Variants in SULF2 observed in about 807,000 individuals in gnomAD.
The protein encoded by SULF2 is extracellular sulfatase Sulf-2.
SULF2 carries 52 observed loss-of-function variants against 107.7 expected under a neutral mutation model. The ratio of observed to expected loss-of-function variants is 0.48; its 90% confidence interval spans 0.39 to 0.61. The LOEUF (loss-of-function observed/expected upper bound fraction) is 0.61. SULF2 is among the 20% of genes least tolerant of loss of function. The probability of loss-of-function intolerance (pLI) is 0.00; values close to 1 mark genes in which losing one functional copy is unlikely to be tolerated. For synonymous variants in SULF2, 460 were observed against 464.3 expected (o/e 0.99, Z 0.12); for missense variants, 993 against 1,177.3 (o/e 0.84, Z 2.29).
At chr20:47,730,519 C>T (rs529271124) in intron 3 of SULF2, among the ~76,000 whole-genome samples, 60 of 152,242 alleles carry the variant, frequency 3.9e-4, no homozygotes, top group Admixed American at 7.2e-4. Context: ...GGTGCAATCT[C>T]GGCTCACTGC....
intron 1 of SULF2, among the ~76,000 whole-genome samples, chr20:47,758,183 T>TTC (rs1555858500): frequency 6.0e-4 from 87 of 144,100 alleles, no homozygotes; most frequent in Admixed American, 1.6e-3. Flanking sequence ...TTTTTTTTTT[T>TTC]CCCAGACAGA....
rs1034073448 is a variant in SULF2, at chr20:47,678,313, CTG to C, written c.1193+361_1193+362del. The C allele has an allele frequency of 1.1e-5, 2 of 175,848 alleles. No homozygotes were observed. Among genetic ancestry groups the C allele is most frequent in the Admixed American group, 1.2e-4 (2 of 16,472 alleles). The allele number at this position is 175,848 out of a possible 1,614,324, so 10.9% of individuals were successfully genotyped here. ...TGATAATGTCCACCTCGCTGGGTTA[CTG>C]TGAGGATCAAATTCCTAGATTTCCC... On this transcript the variant is annotated intron_variant, in intron 8 of 20. Coordinates refer to ENST00000688720, the MANE Select transcript of SULF2 (RefSeq NM_001387048.1). The surrounding 1 kb of genome is among the most constrained non-coding windows in gnomAD (Gnocchi z 4.5).
chr20:47,723,046 G>A (rs185974789), intron 3 of SULF2, among the ~76,000 whole-genome samples: 90 of 151,972 alleles, frequency 5.9e-4, no homozygotes, highest in African/African-American at 2.0e-3. Context: ...CAGGCTGGGC[G>A]ACAGAGCAAG....
intron 11 of SULF2, among the ~76,000 whole-genome samples, chr20:47,670,378 A>T (rs2087422923): frequency 6.6e-6 from 1 of 151,514 alleles, no homozygotes; most frequent in African/African-American, 2.4e-5. Context: ...TTTTTAGTAG[A>T]CACGGGTTTC....
intron 2 of SULF2, among the ~76,000 whole-genome samples, chr20:47,745,400 AAAAAAAAAAAATATATATAT>A (rs1467973700): frequency 1.3e-4 from 4 of 30,544 alleles, no homozygotes; most frequent in African/African-American, 4.4e-4. Context: ...AAAAAAAAAA[AAAAAAAAAAAATATATATAT>A]ATATATATAT....
intron 11 of SULF2, among the ~76,000 whole-genome samples, chr20:47,670,364 TG>T (rs2087422166): frequency 6.6e-6 from 1 of 151,740 alleles, no homozygotes; most frequent in African/African-American, 2.4e-5. Context: ...GGCTAATTTT[TG>T]TATTTTTAGT....
chr20:47,766,979 C>T (rs1263944732), intron 1 of SULF2, among the ~76,000 whole-genome samples: 2 of 151,946 alleles, frequency 1.3e-5, no homozygotes, highest in East Asian at 1.9e-4. Flanking sequence ...ACAAAACTCT[C>T]GATTCTCAGA....
chr20:47,684,371 C>G, intron 6 of SULF2, 60 bp downstream of exon 6: 1 of 1,525,766 alleles, frequency 6.6e-7, no homozygotes, highest in Non-Finnish European at 8.8e-7. Context: ...GAGGTCTCGG[C>G]CCTGGCCTGG....
At chr20:47,760,818 G>C (rs539718904) in intron 1 of SULF2, among the ~76,000 whole-genome samples, 20 of 152,264 alleles carry the variant, frequency 1.3e-4, no homozygotes, top group African/African-American at 4.8e-4. Flanking sequence ...GGGACCAGAG[G>C]GTGAACAACA....
intron 14 of SULF2, 22 bp downstream of exon 14, chr20:47,665,177 G>A: frequency 6.5e-7 from 1 of 1,535,478 alleles, no homozygotes; most frequent in Non-Finnish European, 9.0e-7. Flanking sequence ...GTCTTAGGGA[G>A]GTCCCTTTGC....
At chr20:47,755,914 C>CT (rs60027908) in intron 2 of SULF2, among the ~76,000 whole-genome samples, 3,029 of 147,334 alleles carry the variant, frequency 0.021, 104 homozygotes, top group African/African-American at 0.071. Context: ...CTCCCTGGCA[C>CT]TTTTTTTTTT....
chr20:47,739,311 C>T (rs1206504497), intron 2 of SULF2, among the ~76,000 whole-genome samples: 1 of 152,192 alleles, frequency 6.6e-6, no homozygotes, highest in East Asian at 1.9e-4. Context: ...ATCAGACCCA[C>T]TGCAGCCTCC....
intron 1 of SULF2, among the ~76,000 whole-genome samples, chr20:47,766,258 C>T (rs1600678723): frequency 6.6e-6 from 1 of 152,178 alleles, no homozygotes; most frequent in African/African-American, 2.4e-5. Flanking sequence ...TCTTTGGGGC[C>T]GTCAAAGAAA....
At chr20:47,715,631 G>C (rs983019248) in intron 3 of SULF2, among the ~76,000 whole-genome samples, 1 of 151,942 alleles carries the variant, frequency 6.6e-6, no homozygotes, top group Non-Finnish European at 1.5e-5. Flanking sequence ...ACCCAGGCTG[G>C]GGCGCAATGG....
In SULF2 at chr20:47,667,031, G is replaced by A. The variant is rs570803862; in HGVS notation, c.1577-543C>T. Among the ~76,000 whole-genome samples, 20 of 152,310 alleles carry A rather than the reference G, an allele frequency of 1.3e-4. No individual in the cohort carries two copies. In the South Asian group the frequency reaches 3.7e-3, roughly 28 times the overall value. On this transcript the variant is annotated intron_variant, in intron 11 of 20. Coordinates refer to ENST00000688720, the MANE Select transcript of SULF2 (RefSeq NM_001387048.1). ...TGTGGGTACGGGGTTCCCTTTTGGG[G>A]TGATGAAATGTTTTGGAACTAGGTA... is the stretch of plus-strand genomic sequence containing the variant.
At chr20:47,753,563 A>G (rs1419589243) in intron 2 of SULF2, among the ~76,000 whole-genome samples, 3 of 152,268 alleles carry the variant, frequency 2.0e-5, no homozygotes, top group Non-Finnish European at 4.4e-5. Context: ...TTGGTTTTAC[A>G]GTGATCCTTT....
rs1450477299 is a variant in SULF2 at position 47,694,656 on chromosome 20, G to A, written c.568-4361C>T. 6.6e-6 allele frequency among the ~76,000 whole-genome samples: 1 copy of A among 152,176 alleles called. No homozygotes were observed. The highest frequency in any genetic ancestry group is 1.5e-5 in the Non-Finnish European group (1 of 68,022). Reference sequence around the variant, plus strand: ...TCTGAGCCTCAGGTGATTCCTGCAGGCATCCACAAGCTTCACCGACTGAGT... The same window carrying A: ...TCTGAGCCTCAGGTGATTCCTGCAGACATCCACAAGCTTCACCGACTGAGT... On this transcript the variant is annotated intron_variant, in intron 4 of 20. Coordinates refer to ENST00000688720, the MANE Select transcript of SULF2 (RefSeq NM_001387048.1). This position sits in a 1 kb window ranked among gnomAD's most constrained non-coding sequence, Gnocchi z 4.4.
chr20:47,662,400 A>G (rs1024030808), intron 17 of SULF2, among the ~76,000 whole-genome samples: 1 of 152,202 alleles, frequency 6.6e-6, no homozygotes, highest in African/African-American at 2.4e-5. Context: ...CTGCACACCT[A>G]TATAGTAATT....
At position 47,665,935 on chromosome 20, in the gene SULF2, G is replaced by A. The variant is rs2087250585; in HGVS notation, c.1824C>T (p.Asn608=). ...GGTCCAGGTCACACTGGACTGTGTC[G>A]TTCTCTAGGATGTAGCACCTGCTTG... ...KVTHRCYILE[N]DTVQCDLDLY... Residue 608 remains asparagine, a synonymous_variant, in exon 13 of 21, where the codon AAC becomes AAT. Coordinates refer to ENST00000688720, the MANE Select transcript of SULF2 (RefSeq NM_001387048.1). 8 of 1,614,086 alleles carry A rather than the reference G, an allele frequency of 5.0e-6. No individual in the cohort carries two copies. The highest frequency in any genetic ancestry group is 2.2e-5 in the South Asian group (2 of 91,090).
Sources: allele counts gnomAD v4.1 joint callset (sites outside exome capture counted in the v4.1 genomes callset), GRCh38; gene constraint gnomAD v4.1.1; non-coding constraint Gnocchi (gnomAD v3.1); transcripts MANE v1.5; gene names NCBI Gene and HGNC (gene_info 2026-07-23, HGNC 2026-07-21).